The following CCDC91 variants were observed in gnomAD, a reference collection of about 807,000 sequenced individuals.
CCDC91 encodes the protein coiled-coil domain containing 91.
Under a neutral mutation model 63.2 loss-of-function variants are expected in CCDC91, and 48 were observed. The ratio of observed to expected loss-of-function variants is 0.76; its 90% CI spans 0.60 to 0.97. The LOEUF (loss-of-function observed/expected upper bound fraction) is 0.97. Among genes scored for constraint, CCDC91 ranks in the 50% least tolerant of loss-of-function variants. The pLI, the probability that CCDC91 is intolerant of heterozygous loss-of-function variation, is 0.00. For missense variants in CCDC91, 500 were observed against 494.6 expected (o/e 1.01, Z -0.10); for synonymous variants, 167 against 165.8 (o/e 1.01, Z -0.06).
chr12:28,426,686 A>G (rs1948336088), intron 8 of CCDC91, among the ~76,000 whole-genome samples: 1 of 152,060 alleles, frequency 6.6e-6, no homozygotes, highest in African/African-American at 2.4e-5. Flanking sequence ...TTCTGCCTAT[A>G]TATTATCCAT....
intron 1 of CCDC91, among the ~76,000 whole-genome samples, chr12:28,197,239 C>T (rs1941836976): frequency 6.6e-6 from 1 of 151,964 alleles, no homozygotes; most frequent in African/African-American, 2.4e-5. Flanking sequence ...AAGGTAGAAT[C>T]TTTGAATTTC....
At chr12:28,259,136 C>T (rs571794683) in intron 2 of CCDC91, among the ~76,000 whole-genome samples, 3 of 151,902 alleles carry the variant, frequency 2.0e-5, no homozygotes, top group South Asian at 4.2e-4. Context: ...GTAGAGTTAT[C>T]TGAATAAGGA....
intron 12 of CCDC91, among the ~76,000 whole-genome samples, chr12:28,522,858 T>G (rs1257143784): frequency 6.6e-6 from 1 of 152,188 alleles, no homozygotes; most frequent in African/African-American, 2.4e-5. Context: ...GAGCAGGTTG[T>G]TCAGTTTCCA....
At chr12:28,315,220 A>C (rs1939730005) in intron 6 of CCDC91, among the ~76,000 whole-genome samples, 1 of 151,736 alleles carries the variant, frequency 6.6e-6, no homozygotes, top group Admixed American at 6.6e-5. Flanking sequence ...GGCTGGAATC[A>C]GTGGCATGAT....
intron 8 of CCDC91, among the ~76,000 whole-genome samples, chr12:28,407,393 C>T (rs960981146): frequency 6.6e-6 from 1 of 152,126 alleles, no homozygotes; most frequent in African/African-American, 2.4e-5. Flanking sequence ...ATTTGTCAAA[C>T]TTTACTCCAT....
At chr12:28,210,172 G>A (rs1454059113) in intron 1 of CCDC91, among the ~76,000 whole-genome samples, 2 of 151,980 alleles carry the variant, frequency 1.3e-5, no homozygotes, top group Non-Finnish European at 2.9e-5. Context: ...AATTCCATAT[G>A]TCCCCAGGGC....
intron 8 of CCDC91, among the ~76,000 whole-genome samples, chr12:28,411,959 C>G (rs753280265): frequency 1.3e-5 from 2 of 152,146 alleles, no homozygotes; most frequent in Non-Finnish European, 2.9e-5. Context: ...CCCTACCCCC[C>G]AACACCACCA....
intron 12 of CCDC91, among the ~76,000 whole-genome samples, chr12:28,525,974 TTGTG>T (rs1287275492): frequency 1.3e-5 from 2 of 152,082 alleles, no homozygotes; most frequent in Admixed American, 1.3e-4. Context: ...TACCTTAAGT[TTGTG>T]TGAGTCCATA....
intron 11 of CCDC91, among the ~76,000 whole-genome samples, chr12:28,457,040 A>AGG (rs1950089297): frequency 6.6e-6 from 1 of 152,154 alleles, no homozygotes; most frequent in Non-Finnish European, 1.5e-5. Flanking sequence ...GTTTTACTTC[A>AGG]GATGAAATAA....
intron 1 of CCDC91, among the ~76,000 whole-genome samples, chr12:28,227,991 A>G (rs537461876): frequency 6.6e-6 from 1 of 152,176 alleles, no homozygotes; most frequent in Admixed American, 6.5e-5. Context: ...GTGTGTCTGG[A>G]ACAAAGTAGT....
Position 28,305,663 on chromosome 12 carries a change from C to T in CCDC91, c.124C>T (p.Leu42Phe). 3 of 1,611,472 alleles carry T rather than the reference C, an allele frequency of 1.9e-6. No homozygotes were observed. The highest frequency in any genetic ancestry group is 2.5e-6 in the Non-Finnish European group (3 of 1,178,588). ...TTTTTCTTTAGTATCTGGAGTCCAT[C>T]TTTCACCATCTTCTCCTGAGATTGT... ...AAFPAVSGVHLSPSSPEIVLD... is the reference protein window; with the variant it reads ...AAFPAVSGVHFSPSSPEIVLD... Residue 42 changes from leucine (L) to phenylalanine (F), a missense_variant, in exon 4 of 13, where the codon CTT becomes TTT. By Grantham distance (22) the Leu-to-Phe change is conservative (BLOSUM62 0). Coordinates refer to ENST00000536442, the MANE Select transcript of CCDC91 (RefSeq NM_018318.5).
intron 7 of CCDC91, among the ~76,000 whole-genome samples, chr12:28,373,614 AT>A (rs60585724): frequency 0.89 from 135,152 of 151,484 alleles, 62,137 homozygotes; most frequent in East Asian, 1. Context: ...GTTTCTATAC[AT>A]TTTTTTTTTG....
chr12:28,501,642 C>T (rs1937889410), intron 12 of CCDC91, among the ~76,000 whole-genome samples: 1 of 151,590 alleles, frequency 6.6e-6, no homozygotes, highest in South Asian at 2.1e-4. Context: ...CATCAATGTT[C>T]ATCAAGGATA....
At chr12:28,427,307 A>G (rs1488899193) in intron 8 of CCDC91, among the ~76,000 whole-genome samples, 2 of 152,172 alleles carry the variant, frequency 1.3e-5, no homozygotes, top group Non-Finnish European at 2.9e-5. Context: ...CTGATAAAGT[A>G]TCTTCACCTG....
chr12:28,395,449 C>T (rs1946230545), intron 8 of CCDC91, among the ~76,000 whole-genome samples: 1 of 152,206 alleles, frequency 6.6e-6, no homozygotes, highest in Admixed American at 6.5e-5. Context: ...TCTGACTTGA[C>T]TACAGTGTTA....
chr12:28,519,736 C>G (rs1264358093), intron 12 of CCDC91, among the ~76,000 whole-genome samples: 6 of 112,044 alleles, frequency 5.4e-5, no homozygotes, highest in Non-Finnish European at 8.5e-5. Flanking sequence ...CACCCCACAA[C>G]AGGCCCCGGT....
chr12:28,480,632 A>C (rs1951395590), intron 11 of CCDC91, among the ~76,000 whole-genome samples: 3 of 152,058 alleles, frequency 2.0e-5, no homozygotes, highest in Non-Finnish European at 4.4e-5. Context: ...TCTAAGGTGC[A>C]TTTCTACAAC....
chr12:28,453,205 T>C (rs1182092345), intron 11 of CCDC91, among the ~76,000 whole-genome samples: 1 of 152,024 alleles, frequency 6.6e-6, no homozygotes, highest in Non-Finnish European at 1.5e-5. Flanking sequence ...ATTGTTTATC[T>C]GACAATTAAA....
chr12:28,365,501 AG>A (rs1458829862), intron 7 of CCDC91, among the ~76,000 whole-genome samples: 2 of 152,236 alleles, frequency 1.3e-5, no homozygotes, highest in Admixed American at 6.5e-5. Context: ...AAAATTTGAT[AG>A]ATGATTTGTT....
Sources: allele counts gnomAD v4.1 joint callset (sites outside exome capture counted in the v4.1 genomes callset), GRCh38; gene constraint gnomAD v4.1.1; transcripts MANE v1.5; gene names NCBI Gene and HGNC (gene_info 2026-07-23, HGNC 2026-07-21).